The following PRDM11 variants were observed in gnomAD, a reference collection of about 807,000 sequenced individuals.
The protein encoded by PRDM11 is PR/SET domain 11.
In PRDM11, 20 loss-of-function variants were observed where a neutral mutation model predicts 97.8. That is an observed-to-expected ratio of 0.20 (90% CI 0.14 to 0.30). The LOEUF (loss-of-function observed/expected upper bound fraction) is 0.30, where lower values mean the gene tolerates loss of function less well. Ranked by LOEUF, PRDM11 falls within the 10% of genes least tolerant of loss-of-function variation. The pLI, the probability that PRDM11 is intolerant of heterozygous loss-of-function variation, is 1.00. For missense variants in PRDM11, 1,139 were observed against 1,555.2 expected (o/e 0.73, Z 4.50); for synonymous variants, 599 against 637.7 (o/e 0.94, Z 0.91).
intron 1 of PRDM11, among the ~76,000 whole-genome samples, chr11:45,141,173 T>TCATGTAGCATGATCATGTA (rs1353227568): frequency 6.6e-6 from 1 of 152,218 alleles, no homozygotes; most frequent in African/African-American, 2.4e-5. Flanking sequence ...GGTGAATAAC[T>TCATGTAGCATGATCATGTA]GCATGATCAT....
At chr11:45,173,287 A>G (rs1269996206) in intron 1 of PRDM11, among the ~76,000 whole-genome samples, 3 of 152,150 alleles carry the variant, frequency 2.0e-5, no homozygotes, top group Non-Finnish European at 4.4e-5. Context: ...AACGGATACC[A>G]TAGAAGCCAC....
chr11:45,117,858 C>G (rs568372381), intron 1 of PRDM11, among the ~76,000 whole-genome samples: 1 of 152,124 alleles, frequency 6.6e-6, no homozygotes, highest in Non-Finnish European at 1.5e-5. Flanking sequence ...GAAGGGAAAA[C>G]GAGTAACTGT....
chr11:45,159,689 G>T (rs1209873312), intron 1 of PRDM11, among the ~76,000 whole-genome samples: 1 of 152,172 alleles, frequency 6.6e-6, no homozygotes, highest in Non-Finnish European at 1.5e-5. Flanking sequence ...TATGTTTGGG[G>T]TCGGGGCTTA....
Position 45,227,865 on chromosome 11 carries a change from C to G in PRDM11, c.3240C>G (p.Val1080=). 1 of 1,533,908 alleles carries G rather than the reference C, an allele frequency of 6.5e-7. No individual in the cohort carries two copies. The highest frequency in any genetic ancestry group is 8.7e-7 in the Non-Finnish European group (1 of 1,146,728). The change falls in exon 8 of 8, where the codon GTC becomes GTG. Residue 1080 remains valine, a synonymous_variant. Coordinates refer to ENST00000683152, the MANE Select transcript of PRDM11 (RefSeq NM_001384648.1). This position sits in a 1 kb window ranked among gnomAD's most constrained non-coding sequence, Gnocchi z 8.0. ...ACAAGATCATCCAGGTTCTTAAAGT[C>G]CTCCCCACTTCCACCGCTTGCTGCG... The part of the protein sequence containing the change: ...LLNKIIQVLK[V]LPTSTACCEK...
In PRDM11 at chr11:45,226,644, G is replaced by A. The variant is rs1009373180; in HGVS notation, c.2019G>A (p.Thr673=). 1.8e-5 allele frequency: 27 copies of A among 1,533,858 alleles called. No individual in the cohort carries two copies. Among genetic ancestry groups the A allele is most frequent in the Middle Eastern group, 2.3e-4 (1 of 4,380 alleles). ...AGAGCGACGACCTGCTGGCCGACAC[G>A]GTGGCTGTCTATGTTCAGTACACCA... ...DGQSDDLLAD[T]VAVYVQYTSS... is the part of the protein sequence containing the mutation. Residue 673 remains threonine, a synonymous_variant, in exon 8 of 8, where the codon ACG becomes ACA. Transcript: ENST00000683152.
At chr11:45,213,576 T>C in intron 5 of PRDM11, 1 of 456,530 alleles carries the variant, frequency 2.2e-6, no homozygotes, top group Non-Finnish European at 4.4e-6. Flanking sequence ...TCAGCTGCTG[T>C]GCTTGCCTTT....
At chr11:45,189,759 G>T (rs909731501) in intron 4 of PRDM11, among the ~76,000 whole-genome samples, 1 of 152,202 alleles carries the variant, frequency 6.6e-6, no homozygotes, top group Non-Finnish European at 1.5e-5. Flanking sequence ...AAAAGCCTCT[G>T]AGAGACCCTG....
At chr11:45,116,227 CAG>C (rs1449223752) in intron 1 of PRDM11, among the ~76,000 whole-genome samples, 3 of 152,124 alleles carry the variant, frequency 2.0e-5, no homozygotes, top group Non-Finnish European at 4.4e-5. Flanking sequence ...CAGAAATTAA[CAG>C]AACTAACTGA....
intron 1 of PRDM11, among the ~76,000 whole-genome samples, chr11:45,174,165 C>T (rs1590405248): frequency 1.3e-5 from 2 of 152,212 alleles, no homozygotes; most frequent in African/African-American, 4.8e-5. Flanking sequence ...TGGGGGTCTC[C>T]TTTCTTTTCT....
At position 45,199,129 on chromosome 11, in the gene PRDM11, C is replaced by T. The variant is rs964675339; in HGVS notation, c.487-5582C>T. On this transcript the variant is annotated intron_variant, in intron 4 of 7. Coordinates refer to ENST00000683152, the MANE Select transcript of PRDM11 (RefSeq NM_001384648.1). ...ATGTGGATCCACCTGGACCATGCTTCGCTCAGGGGGCCAAACTCCATGCTT... is the reference window on the plus strand; with the variant it reads ...ATGTGGATCCACCTGGACCATGCTTTGCTCAGGGGGCCAAACTCCATGCTT... Among the ~76,000 whole-genome samples, 5 of 152,214 alleles carry T rather than the reference C, an allele frequency of 3.3e-5. No homozygotes were observed. In the East Asian group the frequency reaches 5.8e-4, roughly 18 times the overall value.
chr11:45,199,358 C>T (rs1000265121), intron 4 of PRDM11, among the ~76,000 whole-genome samples: 7 of 152,220 alleles, frequency 4.6e-5, no homozygotes, highest in Non-Finnish European at 1.0e-4. Context: ...GCATGTTAGA[C>T]CATCACTTTT....
intron 1 of PRDM11, among the ~76,000 whole-genome samples, chr11:45,153,531 A>G (rs909588188): frequency 2.0e-5 from 3 of 152,204 alleles, no homozygotes; most frequent in South Asian, 2.1e-4. Flanking sequence ...AGGCCAGTGG[A>G]CATGGGGGAG....
intron 1 of PRDM11, among the ~76,000 whole-genome samples, chr11:45,173,858 T>G (rs1852263690): frequency 6.6e-6 from 1 of 152,142 alleles, no homozygotes; most frequent in Admixed American, 6.5e-5. Context: ...TTCCTTGCCC[T>G]CAGGAGGCTC....
chr11:45,110,116 G>A lies in PRDM11; in HGVS notation c.96+14215G>A, dbSNP rs949012581. Among the ~76,000 whole-genome samples the A allele has an allele frequency of 3.9e-5, 6 of 152,130 alleles. No individual in the cohort carries two copies. In the East Asian group the frequency reaches 5.8e-4, roughly 15 times the overall value. On this transcript the variant is annotated intron_variant, in intron 1 of 6. Transcript: ENST00000530656. ...TATTTCTGTAGTTTATACACTTTGC[G>A]TGCAAACACCCCTGGGAGGGACAGT...
chr11:45,178,248 T>G (rs1316935754), intron 1 of PRDM11, among the ~76,000 whole-genome samples: 2 of 152,092 alleles, frequency 1.3e-5, no homozygotes, highest in African/African-American at 4.8e-5. Context: ...GCCCTCCTCG[T>G]TTATTCCTAA....
chr11:45,161,705 A>T (rs1474131131), intron 1 of PRDM11, among the ~76,000 whole-genome samples: 1 of 152,206 alleles, frequency 6.6e-6, no homozygotes, highest in Non-Finnish European at 1.5e-5. Context: ...CCCGGGGGCA[A>T]ATTGGTGCAG....
At chr11:45,101,504 T>C (rs964236329) in intron 1 of PRDM11, among the ~76,000 whole-genome samples, 1 of 143,934 alleles carries the variant, frequency 6.9e-6, no homozygotes, top group African/African-American at 2.6e-5. Context: ...TGCAGTGAGG[T>C]GAGATTGCAC....
chr11:45,183,004 A>G lies in PRDM11; in HGVS notation c.367A>G (p.Thr123Ala), dbSNP rs1852570579. The G allele has an allele frequency of 1.2e-6, 2 of 1,614,086 alleles. No homozygotes were observed. The highest frequency in any genetic ancestry group is 8.5e-7 in the Non-Finnish European group (1 of 1,180,022). The change falls in exon 4 of 8, where the codon ACT becomes GCT. Residue 123 changes from threonine to alanine, a missense_variant. Transcript: ENST00000683152. ...IPQGMEVVKD[T>A]SGESDVRCVN... The stretch of plus-strand genomic sequence containing the variant: ...ACAGGGCATGGAGGTGGTCAAGGAC[A>G]CTAGTGGAGAGAGTGACGTGCGATG...
chr11:45,215,993 A>G (rs189508711), intron 5 of PRDM11: 1 of 152,780 alleles, frequency 6.5e-6, no homozygotes. Context: ...TCATGTGCTG[A>G]CCCAGCTAGA....
Sources: gnomAD v4.1 joint callset for allele counts (sites outside exome capture counted in the v4.1 genomes callset) on GRCh38, gnomAD v4.1.1 for gene constraint, Gnocchi (gnomAD v3.1) non-coding constraint, MANE v1.5 for transcripts, NCBI Gene and HGNC (gene_info 2026-07-23, HGNC 2026-07-21) for gene names.